ETFA: variants seen among roughly 807,000 people sequenced by gnomAD.
ETFA encodes the protein electron transfer flavoprotein subunit alpha, mitochondrial.
In ETFA, 22 loss-of-function variants were observed where a neutral mutation model predicts 46.2. The ratio of observed to expected loss-of-function variants is 0.48; its 90% CI spans 0.34 to 0.68. The LOEUF is 0.68. ETFA is among the 30% of genes least tolerant of loss of function. ETFA has a pLI of 0.01. For missense variants in ETFA, 345 were observed against 401.1 expected (o/e 0.86, Z 1.19); for synonymous variants, 131 against 139.9 (o/e 0.94, Z 0.45).
chr15:76,218,173 A>T lies in ETFA; in HGVS notation c.964-1576T>A, dbSNP rs146281224. Among the ~76,000 whole-genome samples the T allele has an allele frequency of 3.3e-5, 5 of 152,354 alleles. No homozygotes were observed. The East Asian group carries it at 9.6e-4, about 29-fold the overall frequency. On this transcript the variant is annotated intron_variant, in intron 11 of 11. Coordinates refer to ENST00000557943, the MANE Select transcript of ETFA (RefSeq NM_000126.4). The stretch of plus-strand genomic sequence containing the variant: ...TTTGGTTTAGAATATATAACTTTTT[A>T]AAATTTTACCGAATATATCCTTACC...
At chr15:76,292,372 C>A in intron 4 of ETFA, 59 bp downstream of exon 4, 1 of 1,153,514 alleles carries the variant, frequency 8.7e-7, no homozygotes, top group Non-Finnish European at 1.3e-6. Flanking sequence ...ACTTTCAGCA[C>A]AATGAAATCT....
At chr15:76,244,305 A>G (rs1191114764) in intron 9 of ETFA, among the ~76,000 whole-genome samples, 1 of 152,232 alleles carries the variant, frequency 6.6e-6, no homozygotes, top group Non-Finnish European at 1.5e-5. Context: ...TGTAATATGG[A>G]AAATAGTAAT....
chr15:76,283,450 C>T (rs1437564813), intron 8 of ETFA, among the ~76,000 whole-genome samples: 1 of 152,158 alleles, frequency 6.6e-6, no homozygotes, highest in African/African-American at 2.4e-5. Context: ...CCTCAGCAAC[C>T]TAAAGTGCTA....
chr15:76,280,625 C>A (rs1244032200), intron 8 of ETFA, among the ~76,000 whole-genome samples: 2 of 152,182 alleles, frequency 1.3e-5, no homozygotes, highest in African/African-American at 4.8e-5. Context: ...TTCTTCTGCT[C>A]AAACCTTGAA....
At chr15:76,223,219 T>TTTA (rs1315116547) in intron 11 of ETFA, among the ~76,000 whole-genome samples, 3 of 148,206 alleles carry the variant, frequency 2.0e-5, no homozygotes, top group Non-Finnish European at 4.5e-5. Flanking sequence ...TTCAGAACTT[T>TTTA]TTTTTTTTTT....
intron 9 of ETFA, chr15:76,259,830 G>C: frequency 9.0e-6 from 14 of 1,563,998 alleles, no homozygotes; most frequent in Non-Finnish European, 1.2e-5. Context: ...AGGGTAAAGG[G>C]GTTCTCCCCA....
At chr15:76,236,496 G>C (rs1259071605) in intron 9 of ETFA, among the ~76,000 whole-genome samples, 1 of 152,130 alleles carries the variant, frequency 6.6e-6, no homozygotes, top group Non-Finnish European at 1.5e-5. Flanking sequence ...AACTCCACTA[G>C]GGAACCGTGG....
intron 9 of ETFA, among the ~76,000 whole-genome samples, chr15:76,236,913 C>T (rs1182175933): frequency 6.6e-6 from 1 of 152,130 alleles, no homozygotes; most frequent in Non-Finnish European, 1.5e-5. Context: ...CAAAAACTCA[C>T]AGTTCTAAAA....
chr15:76,283,909 A>T (rs1034401166), intron 7 of ETFA, 84 bp from the exon 8 acceptor site: 2 of 929,404 alleles, frequency 2.2e-6, no homozygotes, highest in African/African-American at 3.3e-5. Flanking sequence ...TACTGGAGTA[A>T]ATTTTCATAT....
intron 9 of ETFA, among the ~76,000 whole-genome samples, chr15:76,242,850 GA>G (rs939782174): frequency 6.6e-6 from 1 of 152,208 alleles, no homozygotes; most frequent in African/African-American, 2.4e-5. Flanking sequence ...GACAGAAATA[GA>G]TTAGCAATTA....
intron 9 of ETFA, chr15:76,260,087 C>T: frequency 1.3e-6 from 2 of 1,493,666 alleles, no homozygotes; most frequent in Non-Finnish European, 1.9e-6. Flanking sequence ...AAGGAGCCAT[C>T]CTCCTGCTTC....
At chr15:76,298,302 C>G (rs2058028334) in intron 1 of ETFA, among the ~76,000 whole-genome samples, 1 of 152,094 alleles carries the variant, frequency 6.6e-6, no homozygotes, top group African/African-American at 2.4e-5. Flanking sequence ...CCTCAGCCTC[C>G]CAAAGTGCTG....
At position 76,258,774 on chromosome 15, in the gene ETFA, G is replaced by A. The variant is rs367974801; in HGVS notation, c.816+15638C>T. ...ACTGGCCCACTTCCATTAAGCCAAG[G>A]CCTAAACTGATGCCAGGCTGGCCAC... On this transcript the variant is annotated intron_variant, in intron 9 of 11. Transcript: ENST00000557943. Among the ~76,000 whole-genome samples, 8 of 152,192 alleles carry A rather than the reference G, an allele frequency of 5.3e-5. No individual in the cohort carries two copies. In the East Asian group the frequency reaches 1.5e-3, roughly 29 times the overall value.
intron 9 of ETFA, among the ~76,000 whole-genome samples, chr15:76,268,464 C>G (rs1467718063): frequency 6.6e-6 from 1 of 152,162 alleles, no homozygotes; most frequent in Non-Finnish European, 1.5e-5. Flanking sequence ...TGGGACAGAT[C>G]AAGAAAACCA....
At chr15:76,219,996 C>T (rs2142103584) in intron 11 of ETFA, among the ~76,000 whole-genome samples, 1 of 152,322 alleles carries the variant, frequency 6.6e-6, no homozygotes, top group East Asian at 1.9e-4. Flanking sequence ...CCCAAAAGAA[C>T]TGAAAGCAGG....
intron 9 of ETFA, among the ~76,000 whole-genome samples, chr15:76,242,898 A>G (rs1217164621): frequency 6.6e-6 from 1 of 152,244 alleles, no homozygotes; most frequent in Non-Finnish European, 1.5e-5. Flanking sequence ...GTTATTGCTT[A>G]ATGGGTACAG....
chr15:76,240,361 T>C (rs2039172506), intron 9 of ETFA, among the ~76,000 whole-genome samples: 1 of 152,206 alleles, frequency 6.6e-6, no homozygotes, highest in Admixed American at 6.5e-5. Flanking sequence ...CATTCTTAGA[T>C]ATAAGCTCCT....
Position 76,305,865 on chromosome 15 carries a change from T to TTTG in ETFA, c.39+5484_39+5485insCAA, listed in dbSNP as rs1441327898. On this transcript the variant is annotated intron_variant, in intron 1 of 11. Transcript: ENST00000557943. ...CTCTTTTTCAACCTCAATAGTTGTTTTTTTTTTTTTCTTGTGGGGGTGGGT... is the reference window on the plus strand; with the variant it reads ...CTCTTTTTCAACCTCAATAGTTGTTTTTGTTTTTTTTTTCTTGTGGGGGTGGGT... Among the ~76,000 whole-genome samples the TTTG allele has an allele frequency of 2.6e-5, 4 of 151,894 alleles. No individual in the cohort carries two copies. In the East Asian group the frequency reaches 7.7e-4, roughly 29 times the overall value.
intron 9 of ETFA, among the ~76,000 whole-genome samples, chr15:76,267,427 G>C (rs1429840788): frequency 2.6e-5 from 4 of 152,110 alleles, no homozygotes; most frequent in African/African-American, 9.7e-5. Flanking sequence ...AGTTAATTTG[G>C]CCGGTTTTGT....
Sources: allele counts gnomAD v4.1 joint callset (sites outside exome capture counted in the v4.1 genomes callset), GRCh38; gene constraint gnomAD v4.1.1; transcripts MANE v1.5; gene names NCBI Gene and HGNC (gene_info 2026-07-23, HGNC 2026-07-21).